The following GNG2 variants were observed in gnomAD, a reference collection of about 807,000 sequenced individuals.
GNG2 encodes the protein guanine nucleotide-binding protein G(I)/G(S)/G(O) subunit gamma-2.
In GNG2, 5 loss-of-function variants were observed where a neutral mutation model predicts 5.5. The ratio of observed to expected loss-of-function variants is 0.91; its 90% CI spans 0.48 to 1.92. The LOEUF (loss-of-function observed/expected upper bound fraction) is 1.92, where lower values mean the gene tolerates loss of function less well. GNG2 is among the 30% of genes most tolerant of loss of function. The probability of loss-of-function intolerance (pLI) is 0.01; values close to 1 mark genes in which losing one functional copy is unlikely to be tolerated. For missense variants in GNG2, 55 were observed against 88.4 expected (o/e 0.62, Z 1.52); for synonymous variants, 28 against 32.0 (o/e 0.88, Z 0.42).
intron 2 of GNG2, among the ~76,000 whole-genome samples, chr14:51,939,389 C>G (rs1435412778): frequency 6.6e-6 from 1 of 152,202 alleles, no homozygotes; most frequent in East Asian, 1.9e-4. Context: ...ACCAATGACC[C>G]TCTTTCCCAG....
Position 51,945,133 on chromosome 14 carries a change from C to A in GNG2, c.-29-5517C>A, listed in dbSNP as rs201877423. The stretch of plus-strand genomic sequence containing the variant: ...ATGAAAACAAAACAAAACAAACAAA[C>A]AAAAAAAACGGAAAATAACAAGTGT... On this transcript the variant is annotated intron_variant, in intron 2 of 3. Transcript: ENST00000556766. Among the ~76,000 whole-genome samples, 317 of 150,326 alleles carry A rather than the reference C, an allele frequency of 2.1e-3. 1 individual carries two copies. Among genetic ancestry groups the A allele is most frequent in the Middle Eastern group, 3.5e-3 (1 of 286 alleles).
At chr14:51,928,895 T>G (rs901301042) in intron 2 of GNG2, among the ~76,000 whole-genome samples, 2 of 152,170 alleles carry the variant, frequency 1.3e-5, no homozygotes, top group African/African-American at 4.8e-5. Flanking sequence ...TTTTCTAGCC[T>G]CCATACCATC....
intron 3 of GNG2, among the ~76,000 whole-genome samples, chr14:51,963,026 A>G (rs1889703343): frequency 6.6e-6 from 1 of 152,216 alleles, no homozygotes; most frequent in Non-Finnish European, 1.5e-5. Flanking sequence ...CTTGTGACCC[A>G]TAATGTTGTT....
chr14:51,906,404 G>T (rs1409997310), intron 2 of GNG2, among the ~76,000 whole-genome samples: 3 of 152,014 alleles, frequency 2.0e-5, no homozygotes, highest in Non-Finnish European at 4.4e-5. Flanking sequence ...AGCATGATTT[G>T]GTTTAATCAA....
At chr14:51,963,269 A>G (rs967239855) in intron 3 of GNG2, among the ~76,000 whole-genome samples, 1 of 152,208 alleles carries the variant, frequency 6.6e-6, no homozygotes, top group Admixed American at 6.5e-5. Flanking sequence ...GAGCAGCTCT[A>G]AGTTATTAAA....
chr14:51,931,949 G>A (rs1196436647), intron 2 of GNG2, among the ~76,000 whole-genome samples: 2 of 152,108 alleles, frequency 1.3e-5, no homozygotes, highest in African/African-American at 4.8e-5. Context: ...ATCAGTGGAT[G>A]AATAAAGAAA....
At chr14:51,885,112 A>T (rs1280549835) in intron 2 of GNG2, among the ~76,000 whole-genome samples, 1 of 152,192 alleles carries the variant, frequency 6.6e-6, no homozygotes, top group East Asian at 1.9e-4. Flanking sequence ...ATGTGAGCCA[A>T]TACATTCCCA....
chr14:51,853,124 A>C (rs1192774844), intron 2 of GNG2, among the ~76,000 whole-genome samples: 1 of 152,170 alleles, frequency 6.6e-6, no homozygotes, highest in Non-Finnish European at 1.5e-5. Flanking sequence ...GATTTTATAA[A>C]ATGTTCTGGT....
At chr14:51,870,202 A>G (rs1486164289) in intron 1 of GNG2, among the ~76,000 whole-genome samples, 3 of 152,152 alleles carry the variant, frequency 2.0e-5, no homozygotes, top group East Asian at 1.9e-4. Context: ...GTTTTTGGCT[A>G]TATAACAAAC....
intron 2 of GNG2, among the ~76,000 whole-genome samples, chr14:51,852,285 AT>A (rs1881944020): frequency 6.6e-6 from 1 of 152,202 alleles, no homozygotes; most frequent in Non-Finnish European, 1.5e-5. Flanking sequence ...AACTTGACTT[AT>A]CTTCCTCCTC....
At chr14:51,945,037 C>T (rs1294037639) in intron 2 of GNG2, among the ~76,000 whole-genome samples, 1 of 151,660 alleles carries the variant, frequency 6.6e-6, no homozygotes, top group Admixed American at 6.6e-5. Context: ...ATGCTCAATT[C>T]ATTAATCATT....
At chr14:51,855,795 CAGAGAG>C (rs139891029), upstream of GNG2, among the ~76,000 whole-genome samples, 2 of 149,634 alleles carry the variant, frequency 1.3e-5, no homozygotes, top group Non-Finnish European at 1.5e-5. Context: ...TGATAGGAAA[CAGAGAG>C]AGAGAGAGAG....
intron 3 of GNG2, among the ~76,000 whole-genome samples, chr14:51,953,575 C>T (rs1383906672): frequency 6.6e-6 from 1 of 152,148 alleles, no homozygotes; most frequent in Non-Finnish European, 1.5e-5. Context: ...CTCTGAATCC[C>T]ACTTGATGTC....
At chr14:51,917,184 T>C (rs1886697642) in intron 2 of GNG2, 1 of 366,410 alleles carries the variant, frequency 2.7e-6, no homozygotes, top group Non-Finnish European at 5.4e-6. Flanking sequence ...CAAAATGATA[T>C]CTCATTTCTG....
At chr14:51,849,541 C>A (rs1881810805) in intron 2 of GNG2, among the ~76,000 whole-genome samples, 2 of 152,114 alleles carry the variant, frequency 1.3e-5, no homozygotes, top group African/African-American at 4.8e-5. Flanking sequence ...TAACCAGCAC[C>A]CTTCCTTGAT....
At chr14:51,869,026 AT>A (rs1298288162) in intron 1 of GNG2, among the ~76,000 whole-genome samples, 2 of 152,232 alleles carry the variant, frequency 1.3e-5, no homozygotes, top group African/African-American at 4.8e-5. Context: ...TTCTGCCCTT[AT>A]TCCTGTTTTG....
intron 2 of GNG2, among the ~76,000 whole-genome samples, chr14:51,853,026 C>T (rs1397053393): frequency 6.6e-6 from 1 of 152,176 alleles, no homozygotes; most frequent in African/African-American, 2.4e-5. Flanking sequence ...GCTACATCCT[C>T]TTCTCATTTT....
intron 2 of GNG2, among the ~76,000 whole-genome samples, chr14:51,924,342 C>T (rs1033075945): frequency 6.6e-6 from 1 of 152,172 alleles, no homozygotes; most frequent in Admixed American, 6.5e-5. Flanking sequence ...GTCATCACTA[C>T]CAATCATTTT....
At chr14:51,846,446 A>G (rs1566642267) in intron 2 of GNG2, among the ~76,000 whole-genome samples, 1 of 152,212 alleles carries the variant, frequency 6.6e-6, no homozygotes, top group Non-Finnish European at 1.5e-5. Flanking sequence ...TTTGTTGTTA[A>G]TTCTCTGAAG....
Sources: allele counts gnomAD v4.1 joint callset (sites outside exome capture counted in the v4.1 genomes callset), GRCh38; gene constraint gnomAD v4.1.1; transcripts MANE v1.5; gene names NCBI Gene and HGNC (gene_info 2026-07-23, HGNC 2026-07-21).